Variants in KCNIP4 observed in about 807,000 individuals in gnomAD.
KCNIP4 encodes the protein potassium voltage-gated channel interacting protein 4, also known as Kv channel-interacting protein 4.
KCNIP4 carries 12 observed loss-of-function variants against 34.0 expected under a neutral mutation model. The observed-to-expected ratio is 0.35, with a 90% CI of 0.23 to 0.57. The LOEUF is 0.57. KCNIP4 is among the 20% of genes least tolerant of loss of function. KCNIP4 has a pLI of 0.83. For missense variants in KCNIP4, 238 were observed against 311.7 expected, an observed-to-expected ratio of 0.76 and a Z score of 1.78; for synonymous variants, 124 against 102.2, an observed-to-expected ratio of 1.21 and a Z score of -1.29.
chr4:20,789,337 C>T (rs1712428059), intron 3 of KCNIP4, among the ~76,000 whole-genome samples: 1 of 151,328 alleles, frequency 6.6e-6, no homozygotes, highest in South Asian at 2.1e-4. Context: ...TCTCATATAA[C>T]AAATAAAAGA....
At position 20,758,811 on chromosome 4, in the gene KCNIP4, T is replaced by C; in HGVS notation, c.358+10A>G. Reference sequence around the variant, plus strand: ...TGATAGTATGTTAACAAGTCCACATTTGTACTTACCTCCCTGTGGAAAGAA... The same window carrying C: ...TGATAGTATGTTAACAAGTCCACATCTGTACTTACCTCCCTGTGGAAAGAA... On this transcript the variant is annotated intron_variant, in intron 4 of 8. Transcript: ENST00000382152. The C allele has an allele frequency of 9.3e-6, 15 of 1,605,530 alleles. No individual in the cohort carries two copies. Among genetic ancestry groups the C allele is most frequent in the Non-Finnish European group, 1.3e-5 (15 of 1,172,502 alleles).
At chr4:21,396,610 G>T (rs984393669) in intron 1 of KCNIP4, among the ~76,000 whole-genome samples, 2 of 142,362 alleles carry the variant, frequency 1.4e-5, no homozygotes, top group Non-Finnish European at 3.1e-5. Context: ...ACTATCAAAA[G>T]TTAGAGAGAT....
At chr4:21,524,661 G>C (rs534763012) in intron 1 of KCNIP4, among the ~76,000 whole-genome samples, 1 of 151,840 alleles carries the variant, frequency 6.6e-6, no homozygotes, top group African/African-American at 2.4e-5. Flanking sequence ...AGTCAGTCTC[G>C]TGTTATTCCC....
At chr4:20,831,517 G>A (rs374660621) in intron 3 of KCNIP4, among the ~76,000 whole-genome samples, 16 of 152,082 alleles carry the variant, frequency 1.1e-4, no homozygotes, top group Admixed American at 2.0e-4. Context: ...TGAAAACCAG[G>A]TTCATCCAAC....
At chr4:20,837,934 C>A (rs1215836514) in intron 3 of KCNIP4, among the ~76,000 whole-genome samples, 1 of 151,602 alleles carries the variant, frequency 6.6e-6, no homozygotes, top group East Asian at 1.9e-4. Flanking sequence ...AGGTGATCCA[C>A]CCATCTCAGC....
intron 1 of KCNIP4, among the ~76,000 whole-genome samples, chr4:21,034,784 G>A (rs930386838): frequency 3.9e-5 from 6 of 152,110 alleles, no homozygotes; most frequent in Admixed American, 2.6e-4. Flanking sequence ...AACTCAGCCC[G>A]GTAAACACAG....
intron 3 of KCNIP4, among the ~76,000 whole-genome samples, chr4:20,830,060 G>A (rs889670074): frequency 6.6e-6 from 1 of 152,036 alleles, no homozygotes; most frequent in African/African-American, 2.4e-5. Context: ...ATTTCAGAAT[G>A]TCAATCCATT....
At chr4:20,741,381 ACAATG>A (rs1360429220) in intron 5 of KCNIP4, among the ~76,000 whole-genome samples, 2 of 152,260 alleles carry the variant, frequency 1.3e-5, no homozygotes, top group African/African-American at 4.8e-5. Context: ...CTCTCAGACT[ACAATG>A]CAATCAAATT....
Position 21,124,087 on chromosome 4 carries a change from A to T in KCNIP4, c.62-241378T>A, listed in dbSNP as rs1750405151. Among the ~76,000 whole-genome samples the T allele has an allele frequency of 1.3e-5, 2 of 152,038 alleles. 1 individual carries two copies. Among genetic ancestry groups the T allele is most frequent in the South Asian group, 4.1e-4 (2 of 4,836 alleles). Reference sequence around the variant, plus strand: ...AAAACCTATATTTTCTTTAAAAATCATGAGAAGGACACTGTTTTACATTTT... The same window carrying T: ...AAAACCTATATTTTCTTTAAAAATCTTGAGAAGGACACTGTTTTACATTTT... On this transcript the variant is annotated intron_variant, in intron 1 of 8. Transcript: ENST00000382152.
At chr4:21,947,029 C>G (rs1730547285) in intron 1 of KCNIP4, among the ~76,000 whole-genome samples, 1 of 152,154 alleles carries the variant, frequency 6.6e-6, no homozygotes, top group Non-Finnish European at 1.5e-5. Context: ...ACTGAGGAGC[C>G]AAGCAATGCA....
chr4:21,086,078 T>C (rs1577666262), intron 1 of KCNIP4, among the ~76,000 whole-genome samples: 1 of 152,080 alleles, frequency 6.6e-6, no homozygotes, highest in East Asian at 1.9e-4. Flanking sequence ...GTCATGTAGA[T>C]ATAGTGGAGC....
chr4:21,814,932 A>G (rs1030343796), intron 1 of KCNIP4, among the ~76,000 whole-genome samples: 6 of 152,070 alleles, frequency 3.9e-5, no homozygotes, highest in Non-Finnish European at 7.4e-5. Context: ...AGCTCTAACA[A>G]TCTTACCGGG....
intron 1 of KCNIP4, among the ~76,000 whole-genome samples, chr4:21,626,121 T>C (rs1177493996): frequency 2.0e-5 from 3 of 151,806 alleles, no homozygotes; most frequent in Non-Finnish European, 4.4e-5. Flanking sequence ...TGAAACGGAG[T>C]GTCCTGAATT....
At chr4:21,297,927 A>G (rs557380099) in intron 1 of KCNIP4, among the ~76,000 whole-genome samples, 1 of 152,172 alleles carries the variant, frequency 6.6e-6, no homozygotes, top group Non-Finnish European at 1.5e-5. Flanking sequence ...CTTACTTGGG[A>G]ATATTTATCT....
intron 1 of KCNIP4, among the ~76,000 whole-genome samples, chr4:20,912,602 C>A (rs544998746): frequency 1.1e-4 from 16 of 152,086 alleles, no homozygotes; most frequent in Non-Finnish European, 2.2e-4. Flanking sequence ...AGACAACCCA[C>A]AGGATGGGAG....
At chr4:21,501,465 A>G (rs1448247411) in intron 1 of KCNIP4, among the ~76,000 whole-genome samples, 1 of 152,058 alleles carries the variant, frequency 6.6e-6, no homozygotes, top group South Asian at 2.1e-4. Flanking sequence ...CCATCTTCTC[A>G]TTCATGTTTA....
At chr4:21,214,773 T>A (rs1757446388) in intron 1 of KCNIP4, among the ~76,000 whole-genome samples, 1 of 152,176 alleles carries the variant, frequency 6.6e-6, no homozygotes, top group Admixed American at 6.5e-5. Flanking sequence ...TTCAGGATGT[T>A]TTCTCATTTA....
Position 21,237,491 on chromosome 4 carries a change from T to C in KCNIP4, c.62-354782A>G, listed in dbSNP as rs74373961. On this transcript the variant is annotated intron_variant, in intron 1 of 8. Transcript: ENST00000382152. ...CTCACACATTAAAAGTAGCTGCCTG[T>C]TAAAGAAGAAAAGAGAGAAGAATCA... 9.2e-3 allele frequency among the ~76,000 whole-genome samples: 1,391 copies of C among 151,816 alleles called. 22 individuals carry two copies. Among genetic ancestry groups the C allele is most frequent in the African/African-American group, 0.031 (1,286 of 41,436 alleles).
intron 1 of KCNIP4, among the ~76,000 whole-genome samples, chr4:21,381,945 G>A (rs1721551960): frequency 1.3e-5 from 2 of 152,130 alleles, no homozygotes; most frequent in South Asian, 4.1e-4. Context: ...GCATATTTAA[G>A]TAAATCATTG....
Sources: allele counts gnomAD v4.1 joint callset (sites outside exome capture counted in the v4.1 genomes callset), GRCh38; gene constraint gnomAD v4.1.1; transcripts MANE v1.5; gene names NCBI Gene and HGNC (gene_info 2026-07-23, HGNC 2026-07-21).